Variants in RIT2 observed in about 807,000 individuals in gnomAD.
RIT2 encodes Ras like without CAAX 2.
In RIT2, 24 loss-of-function variants were observed where a neutral mutation model predicts 23.7. The ratio of observed to expected loss-of-function variants is 1.01; its 90% confidence interval spans 0.73 to 1.43. RIT2 has a LOEUF of 1.43. Among genes scored for constraint, RIT2 ranks in the 40% most tolerant of loss-of-function variants. RIT2 has a pLI of 0.00. For synonymous variants in RIT2, 107 were observed against 91.1 expected (o/e 1.17, Z -0.99); for missense variants, 236 against 266.9 (o/e 0.88, Z 0.81).
intron 2 of RIT2, among the ~76,000 whole-genome samples, chr18:42,992,075 T>A (rs7242623): frequency 3.3e-5 from 5 of 151,536 alleles, no homozygotes; most frequent in Non-Finnish European, 7.4e-5. Context: ...AAGAACCCCC[T>A]AACTCCTTCC....
chr18:42,895,629 A>G (rs981241171), intron 4 of RIT2, among the ~76,000 whole-genome samples: 3 of 152,236 alleles, frequency 2.0e-5, no homozygotes, highest in Non-Finnish European at 4.4e-5. Flanking sequence ...TTGAGGACCT[A>G]TGAGATGTAA....
At chr18:43,043,858 GA>G (rs1385160106) in intron 1 of RIT2, among the ~76,000 whole-genome samples, 1 of 152,068 alleles carries the variant, frequency 6.6e-6, no homozygotes, top group Non-Finnish European at 1.5e-5. Flanking sequence ...AGAAAGCAGG[GA>G]GAGTGTTCTT....
rs1174137068 is a variant in RIT2 at position 42,923,768 on chromosome 18, AGG to A, written c.235-7_235-6del. 3.2e-6 allele frequency: 5 copies of A among 1,553,826 alleles called. No individual in the cohort carries two copies. Among genetic ancestry groups the A allele is most frequent in the Admixed American group, 4.1e-5 (2 of 48,574 alleles). Reference sequence around the variant, plus strand: ...CCGCATGGCTGTGAATTCTGCCTGCAGGAAAAAAAAAAAAAAATTAGTTATGG... The same window carrying A: ...CCGCATGGCTGTGAATTCTGCCTGCAAAAAAAAAAAAAAAATTAGTTATGG... On this transcript the variant is annotated splice_polypyrimidine_tract_variant and splice_region_variant and intron_variant, in intron 3 of 4. Transcript: ENST00000326695.
At chr18:43,097,679 A>G (rs1913586799) in intron 1 of RIT2, among the ~76,000 whole-genome samples, 1 of 151,966 alleles carries the variant, frequency 6.6e-6, no homozygotes, top group Admixed American at 6.6e-5. Flanking sequence ...GGCTGATTCT[A>G]GAAGGTCTAC....
In RIT2 at chr18:43,080,162, C is replaced by T. The variant is rs111463097; in HGVS notation, c.103+35255G>A. 7.3e-3 allele frequency among the ~76,000 whole-genome samples: 1,116 copies of T among 152,314 alleles called. 8 individuals carry two copies. Among genetic ancestry groups the T allele is most frequent in the Middle Eastern group, 0.037 (11 of 294 alleles). The stretch of plus-strand genomic sequence containing the variant: ...TCAGGCCACCAATCTATATTCAGTT[C>T]CTACCCTGTGCCAGGCCGCTTTCCT... On this transcript the variant is annotated intron_variant, in intron 1 of 4. Transcript: ENST00000326695.
At chr18:42,807,145 G>A (rs1456750574) in intron 4 of RIT2, among the ~76,000 whole-genome samples, 1 of 151,940 alleles carries the variant, frequency 6.6e-6, no homozygotes, top group Non-Finnish European at 1.5e-5. Context: ...TTATAAATTT[G>A]TTACCTTAAA....
chr18:42,879,905 C>A (rs866587973), intron 4 of RIT2, among the ~76,000 whole-genome samples: 8 of 152,116 alleles, frequency 5.3e-5, no homozygotes, highest in Non-Finnish European at 8.8e-5. Flanking sequence ...GTATTACATG[C>A]TCATAGGCTA....
chr18:43,062,268 T>A (rs1912665633), intron 1 of RIT2, among the ~76,000 whole-genome samples: 1 of 152,132 alleles, frequency 6.6e-6, no homozygotes. Context: ...CCCTCACGAT[T>A]TCCTTAAAAA....
intron 4 of RIT2, among the ~76,000 whole-genome samples, chr18:42,782,014 T>C (rs1247775730): frequency 6.6e-6 from 1 of 152,214 alleles, no homozygotes; most frequent in East Asian, 1.9e-4. Flanking sequence ...CTTGAAAATA[T>C]ATTAAAGATT....
chr18:43,000,693 T>C (rs552226327), intron 2 of RIT2, among the ~76,000 whole-genome samples: 1 of 152,024 alleles, frequency 6.6e-6, no homozygotes, highest in East Asian at 1.9e-4. Flanking sequence ...ATCTGATGGT[T>C]TAAAAGTGTT....
chr18:43,032,713 G>A (rs750399904), intron 2 of RIT2, among the ~76,000 whole-genome samples: 29 of 151,898 alleles, frequency 1.9e-4, no homozygotes, highest in Non-Finnish European at 3.5e-4. Context: ...CTATCTAATC[G>A]ATTTACTTCA....
At chr18:43,096,032 A>G (rs1051427002) in intron 1 of RIT2, among the ~76,000 whole-genome samples, 5 of 151,972 alleles carry the variant, frequency 3.3e-5, no homozygotes, top group African/African-American at 9.7e-5. Flanking sequence ...GAAGAAAAAA[A>G]CACTTGTATA....
At chr18:42,872,554 CAA>C (rs1236704965) in intron 4 of RIT2, among the ~76,000 whole-genome samples, 1 of 152,174 alleles carries the variant, frequency 6.6e-6, no homozygotes, top group Non-Finnish European at 1.5e-5. Flanking sequence ...TCTGGTGTCT[CAA>C]AAGTCTTTTT....
intron 3 of RIT2, among the ~76,000 whole-genome samples, chr18:42,954,502 A>G (rs1909927744): frequency 6.6e-6 from 1 of 152,022 alleles, no homozygotes; most frequent in African/African-American, 2.4e-5. Flanking sequence ...ATAGAGAGTA[A>G]TCAATTTGAT....
At chr18:43,059,846 AT>A (rs1159395322) in intron 1 of RIT2, among the ~76,000 whole-genome samples, 1 of 152,006 alleles carries the variant, frequency 6.6e-6, no homozygotes, top group African/African-American at 2.4e-5. Context: ...TAACATGCTT[AT>A]GGATCAATTA....
intron 2 of RIT2, among the ~76,000 whole-genome samples, chr18:43,011,072 G>A (rs917918783): frequency 1.3e-5 from 2 of 151,796 alleles, no homozygotes; most frequent in African/African-American, 4.8e-5. Context: ...TAATATAATA[G>A]AGTGTCTCCA....
In RIT2 at chr18:42,776,437, C is replaced by G. The variant is rs78927568; in HGVS notation, c.427-32717G>C. Reference sequence around the variant, plus strand: ...TATTATTATCATAACTAATTTTTAACCTTCACTGAGAACTACTACAAATGC... The same window carrying G: ...TATTATTATCATAACTAATTTTTAAGCTTCACTGAGAACTACTACAAATGC... On this transcript the variant is annotated intron_variant, in intron 4 of 4. Coordinates refer to ENST00000326695, the MANE Select transcript of RIT2 (RefSeq NM_002930.4). 3.1e-3 allele frequency among the ~76,000 whole-genome samples: 473 copies of G among 152,172 alleles called. 2 individuals are homozygous for G. The highest frequency in any genetic ancestry group is 0.011 in the African/African-American group (457 of 41,528).
intron 2 of RIT2, among the ~76,000 whole-genome samples, chr18:43,008,815 T>C (rs1002267437): frequency 1.3e-5 from 2 of 151,596 alleles, no homozygotes; most frequent in Non-Finnish European, 3.0e-5. Flanking sequence ...AGATAATTTA[T>C]TTAAAGAAGT....
chr18:42,909,426 C>A (rs1598710503), intron 4 of RIT2, among the ~76,000 whole-genome samples: 1 of 152,006 alleles, frequency 6.6e-6, no homozygotes, highest in East Asian at 1.9e-4. Flanking sequence ...AAGAACATAA[C>A]CATGTAATCA....
Sources: allele counts gnomAD v4.1 joint callset (sites outside exome capture counted in the v4.1 genomes callset), GRCh38; gene constraint gnomAD v4.1.1; transcripts MANE v1.5; gene names NCBI Gene and HGNC (gene_info 2026-07-23, HGNC 2026-07-21).